PCDHGA5: variants seen among roughly 807,000 people sequenced by gnomAD.
The protein encoded by PCDHGA5 is protocadherin gamma subfamily A, 5.
PCDHGA5 carries 36 observed loss-of-function variants against 56.7 expected under a neutral mutation model. The observed-to-expected ratio is 0.64, with a 90% CI of 0.49 to 0.84. The LOEUF (loss-of-function observed/expected upper bound fraction) is 0.84. PCDHGA5 is among the 40% of genes least tolerant of loss of function. The pLI is 0.00. For synonymous variants in PCDHGA5, 563 were observed against 520.2 expected, an observed-to-expected ratio of 1.08 and a Z score of -1.12; for missense variants, 1,305 against 1,201.5, an observed-to-expected ratio of 1.09 and a Z score of -1.27.
chr5:141,490,585 G>C lies in PCDHGA5; in HGVS notation c.2422-4222G>C. On this transcript the variant is annotated intron_variant, in intron 1 of 3. Transcript: ENST00000518069. The surrounding 1 kb of genome is among the most constrained non-coding windows in gnomAD (Gnocchi z 5.4). Reference sequence around the variant, plus strand: ...CAGGCTCAACATTTCAGATGTCAATGACAATGCACCCCGCTTCAACCAGCA... The same window carrying C: ...CAGGCTCAACATTTCAGATGTCAATCACAATGCACCCCGCTTCAACCAGCA... The C allele has an allele frequency of 6.2e-7, 1 of 1,614,142 alleles. No homozygotes were observed. Among genetic ancestry groups the C allele is most frequent in the South Asian group, 1.1e-5 (1 of 91,078 alleles).
At chr5:141,504,570 AC>A (rs1468526948) in intron 2 of PCDHGA5, among the ~76,000 whole-genome samples, 1 of 148,874 alleles carries the variant, frequency 6.7e-6, no homozygotes, top group Admixed American at 6.9e-5. Flanking sequence ...ATTCTAGGGA[AC>A]ACCATCTGCC....
rs768907590 is a variant in PCDHGA5, at chr5:141,422,045, G to C, written c.2421+55294G>C. Reference sequence around the variant, plus strand: ...GTTAATGCAACGGATCCAGACGAGGGAATCAACGGGGAAGTAATGTATTCA... The same window carrying C: ...GTTAATGCAACGGATCCAGACGAGGCAATCAACGGGGAAGTAATGTATTCA... On this transcript the variant is annotated intron_variant, in intron 1 of 3. Transcript: ENST00000518069. 1.5e-5 allele frequency: 24 copies of C among 1,611,434 alleles called. No individual in the cohort carries two copies. The Admixed American group carries it at 3.9e-4, about 26-fold the overall frequency.
In PCDHGA5 at chr5:141,414,978, C is replaced by T. The variant is rs757917979; in HGVS notation, c.2421+48227C>T. On this transcript the variant is annotated intron_variant, in intron 1 of 3. Coordinates refer to ENST00000518069, the MANE Select transcript of PCDHGA5 (RefSeq NM_018918.3). The stretch of plus-strand genomic sequence containing the variant: ...CCAAGGTGGTGGCGGTGGACAGAGA[C>T]TCCGGCCAGAACGCCTGGCTGTCCT... 8 of 1,613,878 alleles carry T rather than the reference C, an allele frequency of 5.0e-6. No individual in the cohort carries two copies. The South Asian group carries it at 8.8e-5, about 18-fold the overall frequency.
intron 1 of PCDHGA5, chr5:141,395,512 A>C: frequency 4.7e-6 from 2 of 421,514 alleles, no homozygotes; most frequent in Non-Finnish European, 8.4e-6. Flanking sequence ...AGAAGTAGCT[A>C]CCCGTCCATA....
intron 1 of PCDHGA5, chr5:141,395,196 G>A (rs1431851304): frequency 5.0e-6 from 8 of 1,613,948 alleles, no homozygotes; most frequent in Admixed American, 1.7e-5. Flanking sequence ...GTTAACATCC[G>A]TAGATTTTCA....
chr5:141,509,621 C>T (rs1179988828), intron 3 of PCDHGA5, among the ~76,000 whole-genome samples: 1 of 152,178 alleles, frequency 6.6e-6, no homozygotes, highest in African/African-American at 2.4e-5. Flanking sequence ...AAACAAGTTC[C>T]TGGGTGATGC....
At position 141,374,383 on chromosome 5, in the gene PCDHGA5, G is replaced by A. The variant is rs192911480; in HGVS notation, c.2421+7632G>A. On this transcript the variant is annotated intron_variant, in intron 1 of 3. Transcript: ENST00000518069. ...GCGAGGAGCTCTGTGCTCAGAGCCC[G>A]CGGTGTCTGGTGAGTTTTAACATCC... is the stretch of plus-strand genomic sequence containing the variant. 3.7e-6 allele frequency: 6 copies of A among 1,614,036 alleles called. No homozygotes were observed. In the African/African-American group the frequency reaches 8.0e-5, roughly 22 times the overall value.
intron 1 of PCDHGA5, chr5:141,372,474 G>C: frequency 6.2e-7 from 1 of 1,614,052 alleles, no homozygotes; most frequent in Non-Finnish European, 8.5e-7. Context: ...TCACCTAGTA[G>C]TGGCGTTGGC....
At chr5:141,409,484 G>A in intron 1 of PCDHGA5, 1 of 1,613,974 alleles carries the variant, frequency 6.2e-7, no homozygotes, top group Non-Finnish European at 8.5e-7. Flanking sequence ...CACTGACAGG[G>A]GCAAGCCGCC....
intron 1 of PCDHGA5, among the ~76,000 whole-genome samples, chr5:141,438,517 T>G (rs975190211): frequency 6.7e-6 from 1 of 148,384 alleles, no homozygotes; most frequent in Non-Finnish European, 1.5e-5. Context: ...AAACCAATTA[T>G]TTTACATGGA....
rs766746841 is a variant in PCDHGA5 at position 141,374,327 on chromosome 5, G to A, written c.2421+7576G>A. 1.2e-5 allele frequency: 20 copies of A among 1,613,866 alleles called. No individual in the cohort carries two copies. In the East Asian group the frequency reaches 4.0e-4, roughly 32 times the overall value. ...GCTTTTCTCTCTGAATCCGCGAAAC[G>A]GCAGCTTGGTCACCGCGGGTAGGAT... is the stretch of plus-strand genomic sequence containing the variant. On this transcript the variant is annotated intron_variant, in intron 1 of 3. Coordinates refer to ENST00000518069, the MANE Select transcript of PCDHGA5 (RefSeq NM_018918.3).
Position 141,511,378 on chromosome 5 carries a change from T to C in PCDHGA5, c.*205T>C. 1 of 1,202,114 alleles carries C rather than the reference T, an allele frequency of 8.3e-7. No homozygotes were observed. The highest frequency in any genetic ancestry group is 1.1e-6 in the Non-Finnish European group (1 of 882,194). The allele number at this position is 1,202,114 out of a possible 1,614,324, so 74.5% of individuals were successfully genotyped here. A position where few individuals can be genotyped will look rare whatever the true frequency, so the allele number is the denominator to read the frequency against. On this transcript the variant is annotated 3_prime_UTR_variant, in exon 4 of 4. Coordinates refer to ENST00000518069, the MANE Select transcript of PCDHGA5 (RefSeq NM_018918.3). ...AGGGGGTTGAATATGCAAAAGCAGT[T>C]CCGCTGGGAACCCCCATCCAATCAA...
At position 141,476,639 on chromosome 5, in the gene PCDHGA5, A is replaced by G; in HGVS notation, c.2422-18168A>G. 1.2e-6 allele frequency: 2 copies of G among 1,614,206 alleles called. No individual in the cohort carries two copies. Among genetic ancestry groups the G allele is most frequent in the Non-Finnish European group, 1.7e-6 (2 of 1,180,038 alleles). On this transcript the variant is annotated intron_variant, in intron 1 of 3. Transcript: ENST00000518069. The surrounding 1 kb of genome is among the most constrained non-coding windows in gnomAD (Gnocchi z 7.6). ...CAACTCTTTACAAACCTATGAGCTG[A>G]GCCGAAATGAATACTTTGCGCTTCG...
At chr5:141,420,692 A>G (rs2096518268) in intron 1 of PCDHGA5, among the ~76,000 whole-genome samples, 1 of 152,228 alleles carries the variant, frequency 6.6e-6, no homozygotes, top group Admixed American at 6.5e-5. Context: ...GGACCGTATT[A>G]TTTCCACTTC....
At chr5:141,403,125 A>G (rs755647554) in intron 1 of PCDHGA5, 2 of 1,614,028 alleles carry the variant, frequency 1.2e-6, no homozygotes. Context: ...GAGCCCCGGG[A>G]GCTGGCGGAG....
At chr5:141,414,046 A>G (rs780040293) in intron 1 of PCDHGA5, 1 of 1,611,254 alleles carries the variant, frequency 6.2e-7, no homozygotes, top group Non-Finnish European at 8.5e-7. Context: ...ATTACCTGAC[A>G]CGCAATTGTT....
intron 1 of PCDHGA5, chr5:141,418,372 A>G (rs771262387): frequency 3.1e-6 from 5 of 1,613,968 alleles, no homozygotes; most frequent in Non-Finnish European, 3.4e-6. Context: ...GCAAATACCA[A>G]CTAAGTCCTA....
rs750233767 is a variant in PCDHGA5 at position 141,490,877 on chromosome 5, C to A, written c.2422-3930C>A. 1 of 1,613,880 alleles carries A rather than the reference C, an allele frequency of 6.2e-7. No individual in the cohort carries two copies. Among genetic ancestry groups the A allele is most frequent in the Non-Finnish European group, 8.5e-7 (1 of 1,179,900 alleles). On this transcript the variant is annotated intron_variant, in intron 1 of 3. Coordinates refer to ENST00000518069, the MANE Select transcript of PCDHGA5 (RefSeq NM_018918.3). This position sits in a 1 kb window ranked among gnomAD's most constrained non-coding sequence, Gnocchi z 5.4. Reference sequence around the variant, plus strand: ...GACTCCGGCTCTCCCCCATTGCATGCCAACACATCTCTGCATGTGTTTGTC... The same window carrying A: ...GACTCCGGCTCTCCCCCATTGCATGACAACACATCTCTGCATGTGTTTGTC...
intron 1 of PCDHGA5, chr5:141,428,113 T>A: frequency 6.2e-7 from 1 of 1,607,492 alleles, no homozygotes; most frequent in Non-Finnish European, 8.5e-7. Flanking sequence ...CTGCAGGCCA[T>A]CGAGCCCGGG....
Sources: allele counts gnomAD v4.1 joint callset (sites outside exome capture counted in the v4.1 genomes callset), GRCh38; gene constraint gnomAD v4.1.1; non-coding constraint Gnocchi (gnomAD v3.1); transcripts MANE v1.5; gene names NCBI Gene and HGNC (gene_info 2026-07-23, HGNC 2026-07-21).